The following NKAIN3 variants were observed in gnomAD, a reference collection of about 807,000 sequenced individuals.
The protein encoded by NKAIN3 is sodium/potassium transporting ATPase interacting 3.
NKAIN3 carries 25 observed loss-of-function variants against 30.2 expected under a neutral mutation model. The ratio of observed to expected loss-of-function variants is 0.83; its 90% CI spans 0.60 to 1.16. The LOEUF (loss-of-function observed/expected upper bound fraction) is 1.16, where lower values mean the gene tolerates loss of function less well. NKAIN3 is among the 50% of genes most tolerant of loss of function. NKAIN3 has a pLI of 0.00. For synonymous variants in NKAIN3, 91 were observed against 89.6 expected (o/e 1.02, Z -0.09); for missense variants, 225 against 254.1 (o/e 0.89, Z 0.78).
rs373651775 is a variant in NKAIN3, at chr8:62,953,025, C to CA, written c.533-870dup. ...GGGTTTTGTCTTATGAATTTTTTGC[C>CA]AAAAAAATGCTACTCTGTATGGAGG... On this transcript the variant is annotated intron_variant, in intron 5 of 6. Coordinates refer to ENST00000623646, the MANE Select transcript of NKAIN3 (RefSeq NM_001304533.3). Among the ~76,000 whole-genome samples the CA allele has an allele frequency of 2.1e-3, 321 of 151,698 alleles. 2 individuals are homozygous for CA. The highest frequency in any genetic ancestry group is 6.8e-3 in the Middle Eastern group (2 of 294).
At chr8:62,449,820 C>T (rs1294295652) in intron 1 of NKAIN3, among the ~76,000 whole-genome samples, 3 of 151,944 alleles carry the variant, frequency 2.0e-5, no homozygotes, top group Non-Finnish European at 2.9e-5. Context: ...CGGTGTGGGC[C>T]GGAAGGAAAG....
At chr8:62,616,736 C>A (rs1345428179) in intron 3 of NKAIN3, among the ~76,000 whole-genome samples, 2 of 152,114 alleles carry the variant, frequency 1.3e-5, no homozygotes, top group Non-Finnish European at 2.9e-5. Context: ...CTGAAAGTTC[C>A]AACCCTCTAA....
In NKAIN3 at chr8:62,664,186, T is replaced by C. The variant is rs1356867888; in HGVS notation, c.273+74392T>C. Among the ~76,000 whole-genome samples the C allele has an allele frequency of 2.0e-5, 3 of 151,988 alleles. No individual in the cohort carries two copies. In the East Asian group the frequency reaches 5.8e-4, roughly 29 times the overall value. ...ACTTCTGAATCCACAGTTTTTCCTC[T>C]ATACTAGATCACTTTGATTAAGTAT... On this transcript the variant is annotated intron_variant, in intron 3 of 6. Coordinates refer to ENST00000623646, the MANE Select transcript of NKAIN3 (RefSeq NM_001304533.3).
At chr8:62,299,188 A>T (rs1223506066) in intron 1 of NKAIN3, among the ~76,000 whole-genome samples, 1 of 152,102 alleles carries the variant, frequency 6.6e-6, no homozygotes, top group Non-Finnish European at 1.5e-5. Context: ...TTGTTCTATC[A>T]TTTTTTGCAC....
intron 3 of NKAIN3, among the ~76,000 whole-genome samples, chr8:62,654,752 A>G (rs1406096661): frequency 6.6e-6 from 1 of 152,166 alleles, no homozygotes; most frequent in Non-Finnish European, 1.5e-5. Context: ...ACACATACAC[A>G]CACACATTCT....
chr8:62,511,768 A>G (rs994494071), intron 1 of NKAIN3, among the ~76,000 whole-genome samples: 1 of 152,038 alleles, frequency 6.6e-6, no homozygotes, highest in Non-Finnish European at 1.5e-5. Context: ...TGGAATGTCT[A>G]TCTTCTCCAC....
chr8:62,503,478 G>A (rs2084800), intron 1 of NKAIN3, among the ~76,000 whole-genome samples: 4,743 of 152,186 alleles, frequency 0.031, 285 homozygotes, highest in African/African-American at 0.11. Context: ...AACAGGGTTC[G>A]AGAGCAGAGA....
chr8:62,364,828 C>CAACAA (rs781245266), intron 1 of NKAIN3, among the ~76,000 whole-genome samples: 5 of 63,760 alleles, frequency 7.8e-5, no homozygotes, highest in African/African-American at 3.4e-4. Flanking sequence ...GACTCCACTA[C>CAACAA]AAAAAAAAAA....
chr8:62,763,374 C>A (rs1816735369), intron 4 of NKAIN3, among the ~76,000 whole-genome samples: 1 of 151,126 alleles, frequency 6.6e-6, no homozygotes, highest in Admixed American at 6.6e-5. Context: ...TTCATAATGG[C>A]TTAAAGCAAT....
At chr8:62,470,514 A>G (rs923842844) in intron 1 of NKAIN3, among the ~76,000 whole-genome samples, 36 of 152,034 alleles carry the variant, frequency 2.4e-4, no homozygotes, top group Non-Finnish European at 4.4e-4. Context: ...CTAAATCCTG[A>G]ATCTTTTTGC....
rs779176978 is a variant in NKAIN3, at chr8:62,802,023, T to A, written c.471+54894T>A. 3.3e-5 allele frequency among the ~76,000 whole-genome samples: 5 copies of A among 152,122 alleles called. 1 individual carries two copies. The Middle Eastern group carries it at 0.01, about 310-fold the overall frequency. ...CAACTGGAAGAAAGGGTATCAGTGA[T>A]GGAAGATGAAATGATTGAAATGAAG... On this transcript the variant is annotated intron_variant, in intron 4 of 6. Coordinates refer to ENST00000623646, the MANE Select transcript of NKAIN3 (RefSeq NM_001304533.3).
At chr8:62,624,381 G>T (rs1811725199) in intron 3 of NKAIN3, among the ~76,000 whole-genome samples, 2 of 151,752 alleles carry the variant, frequency 1.3e-5, no homozygotes, top group African/African-American at 4.8e-5. Flanking sequence ...TTCTAGGTTG[G>T]TATTTTTTTT....
chr8:62,959,278 TG>T (rs1290691042), intron 6 of NKAIN3, among the ~76,000 whole-genome samples: 1 of 152,166 alleles, frequency 6.6e-6, no homozygotes, highest in Non-Finnish European at 1.5e-5. Context: ...CCACCTCTGA[TG>T]ATCAGGCTGT....
At chr8:62,506,228 T>TATG (rs1807630934) in intron 1 of NKAIN3, among the ~76,000 whole-genome samples, 1 of 129,136 alleles carries the variant, frequency 7.7e-6, no homozygotes, top group African/African-American at 2.8e-5. Context: ...ATGAGAATAT[T>TATG]GGGGGGGGGG....
intron 1 of NKAIN3, among the ~76,000 whole-genome samples, chr8:62,308,693 C>T (rs1383773932): frequency 6.7e-6 from 1 of 150,310 alleles, no homozygotes; most frequent in Non-Finnish European, 1.5e-5. Context: ...CAATGGGATG[C>T]AAGAGTCATG....
intron 1 of NKAIN3, among the ~76,000 whole-genome samples, chr8:62,575,430 A>G (rs1810078707): frequency 6.6e-6 from 1 of 152,112 alleles, no homozygotes; most frequent in Non-Finnish European, 1.5e-5. Flanking sequence ...CTCAGCAATA[A>G]AAACTATAAA....
chr8:62,341,938 T>G (rs1815761142), intron 1 of NKAIN3, among the ~76,000 whole-genome samples: 1 of 152,018 alleles, frequency 6.6e-6, no homozygotes, highest in Non-Finnish European at 1.5e-5. Context: ...ATGTAAATTT[T>G]TATTGCAAGC....
At chr8:62,838,221 G>T (rs1819428977) in intron 4 of NKAIN3, among the ~76,000 whole-genome samples, 1 of 151,352 alleles carries the variant, frequency 6.6e-6, no homozygotes, top group African/African-American at 2.4e-5. Context: ...ATTCCTTTTG[G>T]TGGGGAGATA....
At chr8:62,957,439 C>G (rs777723217) in intron 6 of NKAIN3, among the ~76,000 whole-genome samples, 1 of 152,152 alleles carries the variant, frequency 6.6e-6, no homozygotes, top group Non-Finnish European at 1.5e-5. Context: ...CGGCCTATAG[C>G]AGCTTTATTC....
Sources: allele counts gnomAD v4.1 joint callset (sites outside exome capture counted in the v4.1 genomes callset), GRCh38; gene constraint gnomAD v4.1.1; transcripts MANE v1.5; gene names NCBI Gene and HGNC (gene_info 2026-07-23, HGNC 2026-07-21).